Variants in SV2C observed in about 807,000 individuals in gnomAD.
The protein encoded by SV2C is synaptic vesicle glycoprotein 2C.
Under a neutral mutation model 79.7 loss-of-function variants are expected in SV2C, and 49 were observed. That is an observed-to-expected ratio of 0.61 (90% CI 0.49 to 0.78). The LOEUF is 0.78. SV2C is among the 30% of genes least tolerant of loss of function. The pLI, the probability that SV2C is intolerant of heterozygous loss-of-function variation, is 0.00. For missense variants in SV2C, 833 were observed against 912.9 expected (o/e 0.91, Z 1.13); for synonymous variants, 334 against 333.2 (o/e 1.00, Z -0.03).
At chr5:75,998,652 GTA>G in the SV2C span, among the ~76,000 whole-genome samples, 1 of 151,872 alleles carries the variant, frequency 6.6e-6, no homozygotes, top group South Asian at 2.1e-4. Context: ...GCATGTGTGT[GTA>G]TGTGTGAATG....
At chr5:76,171,465 G>C (rs1237672280) in intron 2 of SV2C, among the ~76,000 whole-genome samples, 1 of 117,904 alleles carries the variant, frequency 8.5e-6, no homozygotes, top group Non-Finnish European at 1.9e-5. Flanking sequence ...GTCTCTGCCC[G>C]GCTGCCCCGT....
intron 1 of SV2C, among the ~76,000 whole-genome samples, chr5:76,123,249 A>C (rs1055433602): frequency 6.6e-6 from 1 of 152,192 alleles, no homozygotes; most frequent in African/African-American, 2.4e-5. Context: ...CTTACCAACC[A>C]AAAAGAGTCC....
chr5:76,043,144 A>T, the SV2C span, among the ~76,000 whole-genome samples: 2 of 152,214 alleles, frequency 1.3e-5, no homozygotes, highest in Non-Finnish European at 2.9e-5. Flanking sequence ...CCATGCAGAA[A>T]GCCCATTTGG....
the SV2C span, among the ~76,000 whole-genome samples, chr5:76,039,658 G>T: frequency 6.6e-6 from 1 of 151,440 alleles, no homozygotes; most frequent in Non-Finnish European, 1.5e-5. Context: ...CGAGAGGCAG[G>T]GGCAGGAGAA....
intron 12 of SV2C, among the ~76,000 whole-genome samples, chr5:76,340,810 A>G (rs1749427248): frequency 6.6e-6 from 1 of 151,966 alleles, no homozygotes; most frequent in African/African-American, 2.4e-5. Context: ...AGGTCTTGGT[A>G]TGTTGTCCAG....
chr5:75,938,747 T>C, the SV2C span, among the ~76,000 whole-genome samples: 1 of 152,206 alleles, frequency 6.6e-6, no homozygotes, highest in Admixed American at 6.5e-5. Context: ...TTTGACAACC[T>C]GTATGCTTAC....
chr5:76,225,981 G>A (rs1745224719), intron 4 of SV2C, among the ~76,000 whole-genome samples: 1 of 152,182 alleles, frequency 6.6e-6, no homozygotes, highest in African/African-American at 2.4e-5. Context: ...CTGGTCTGGG[G>A]TAAGAGCAAA....
the SV2C span, among the ~76,000 whole-genome samples, chr5:75,871,830 T>C: frequency 0.026 from 2,832 of 110,418 alleles, 96 homozygotes; most frequent in African/African-American, 0.12. Context: ...TATATATATA[T>C]ATATACACAC....
chr5:76,096,245 A>T (rs567865543), intron 1 of SV2C, among the ~76,000 whole-genome samples: 1 of 152,070 alleles, frequency 6.6e-6, no homozygotes, highest in African/African-American at 2.4e-5. Flanking sequence ...CTTTTTCCTA[A>T]TATCTATCAA....
chr5:75,910,787 T>C, the SV2C span: 2 of 1,354,524 alleles, frequency 1.5e-6, no homozygotes, highest in Non-Finnish European at 2.1e-6. Context: ...TCATGTTGGC[T>C]GCTATGTGAC....
At position 76,233,595 on chromosome 5, in the gene SV2C, T is replaced by C. The variant is rs550298521; in HGVS notation, c.913+23708T>C. ...GTGGGTTTGTCATAGATAGCTCTTATTATTTTGAAATATGTCCCATCAATA... is the reference window on the plus strand; with the variant it reads ...GTGGGTTTGTCATAGATAGCTCTTACTATTTTGAAATATGTCCCATCAATA... On this transcript the variant is annotated intron_variant, in intron 4 of 12. Transcript: ENST00000502798. 4.0e-5 allele frequency among the ~76,000 whole-genome samples: 6 copies of C among 148,568 alleles called. No individual in the cohort carries two copies. In the South Asian group the frequency reaches 1.0e-3, roughly 26 times the overall value.
intron 3 of SV2C, among the ~76,000 whole-genome samples, chr5:76,200,370 C>T (rs563553740): frequency 2.6e-5 from 4 of 152,354 alleles, no homozygotes; most frequent in Admixed American, 2.0e-4. Context: ...AGAGTCCAAA[C>T]TTTTCATTTT....
At chr5:76,233,756 A>G (rs1745516968) in intron 4 of SV2C, among the ~76,000 whole-genome samples, 1 of 149,308 alleles carries the variant, frequency 6.7e-6, no homozygotes, top group African/African-American at 2.6e-5. Flanking sequence ...TGATTTGCGT[A>G]TATTGAACCA....
the SV2C span, among the ~76,000 whole-genome samples, chr5:75,932,045 G>T: frequency 5.1e-4 from 77 of 152,260 alleles, no homozygotes; most frequent in African/African-American, 1.7e-3. Context: ...TCATTTGAAG[G>T]CTTCCCACGG....
chr5:76,101,215 G>C (rs1747732371), intron 1 of SV2C, among the ~76,000 whole-genome samples: 1 of 152,092 alleles, frequency 6.6e-6, no homozygotes, highest in Non-Finnish European at 1.5e-5. Context: ...TGAGCTGAAG[G>C]GTGGGTGGGA....
At chr5:76,305,555 A>G (rs973820086) in intron 12 of SV2C, among the ~76,000 whole-genome samples, 1 of 151,634 alleles carries the variant, frequency 6.6e-6, no homozygotes, top group African/African-American at 2.4e-5. Context: ...TACTTGTTTC[A>G]CTCTTCCTTA....
At chr5:76,312,700 G>A (rs1199193104) in intron 12 of SV2C, among the ~76,000 whole-genome samples, 1 of 152,204 alleles carries the variant, frequency 6.6e-6, no homozygotes, top group South Asian at 2.1e-4. Context: ...TCGTTTGGCC[G>A]CATGTTCCTG....
chr5:76,233,346 C>A (rs2112404248), intron 4 of SV2C, among the ~76,000 whole-genome samples: 1 of 139,694 alleles, frequency 7.2e-6, no homozygotes, highest in South Asian at 2.2e-4. Context: ...TGGGCTGAGA[C>A]AATGGGGTTT....
the SV2C span, among the ~76,000 whole-genome samples, chr5:75,855,634 T>A: frequency 6.6e-6 from 1 of 152,148 alleles, no homozygotes; most frequent in East Asian, 1.9e-4. Context: ...TGATCTATGA[T>A]CAGTGATCTT....
Sources: allele counts gnomAD v4.1 joint callset (sites outside exome capture counted in the v4.1 genomes callset), GRCh38; gene constraint gnomAD v4.1.1; transcripts MANE v1.5; gene names NCBI Gene and HGNC (gene_info 2026-07-23, HGNC 2026-07-21).